SIPA1L1: variants seen among roughly 807,000 people sequenced by gnomAD.
The protein encoded by SIPA1L1 is signal-induced proliferation-associated 1-like protein 1.
SIPA1L1 carries 26 observed loss-of-function variants against 162.7 expected under a neutral mutation model. That is an observed-to-expected ratio of 0.16 (90% CI 0.12 to 0.22). The LOEUF (loss-of-function observed/expected upper bound fraction) is 0.22. Ranked by LOEUF, SIPA1L1 falls within the 10% of genes least tolerant of loss-of-function variation. SIPA1L1 has a pLI of 1.00. For synonymous variants in SIPA1L1, 829 were observed against 837.4 expected, an observed-to-expected ratio of 0.99 and a Z score of 0.17; for missense variants, 1,874 against 2,241.0, an observed-to-expected ratio of 0.84 and a Z score of 3.31.
chr14:71,655,436 G>A lies in SIPA1L1; in HGVS notation c.1994-2897G>A, dbSNP rs148024548. ...GAACAGTGCTGCAATAAACAAATTA[G>A]TGCAGGTGCCATTTGATAAAATTAT... On this transcript the variant is annotated intron_variant, in intron 8 of 23. Transcript: ENST00000381232. 2.1e-3 allele frequency among the ~76,000 whole-genome samples: 325 copies of A among 152,242 alleles called. 1 individual carries two copies. The highest frequency in any genetic ancestry group is 3.0e-3 in the Non-Finnish European group (203 of 68,008).
At position 71,691,042 on chromosome 14, in the gene SIPA1L1, T is replaced by G. The variant is rs2081217299; in HGVS notation, c.3374+5411T>G. ...CTGAGTATCCAGAGCAGAAGTAGGA[T>G]TCGTTATCAACTTCCCCTCAGCACT... On this transcript the variant is annotated intron_variant, in intron 13 of 23. Coordinates refer to ENST00000381232, the MANE Select transcript of SIPA1L1 (RefSeq NM_001386936.1). Among the ~76,000 whole-genome samples the G allele has an allele frequency of 2.0e-5, 3 of 152,220 alleles. No homozygotes were observed. The South Asian group carries it at 6.2e-4, about 31-fold the overall frequency.
At chr14:71,392,839 G>A (rs1434255360) in intron 2 of SIPA1L1, among the ~76,000 whole-genome samples, 1 of 152,134 alleles carries the variant, frequency 6.6e-6, no homozygotes, top group East Asian at 1.9e-4. Flanking sequence ...TTTTTATTTA[G>A]CTTACTCCCC....
intron 4 of SIPA1L1, among the ~76,000 whole-genome samples, chr14:71,580,046 A>G (rs1315773096): frequency 1.3e-5 from 2 of 152,206 alleles, no homozygotes; most frequent in African/African-American, 2.4e-5. Context: ...AGAGATGCAG[A>G]TTCTCTGCTG....
chr14:71,638,574 CT>C lies in SIPA1L1; in HGVS notation c.1819-11759del, dbSNP rs113056253. ...CAAAACTTCTATAGCTTGCATTATT[CT>C]TAATGGTAAGAGACTGGAGAAAGGG... On this transcript the variant is annotated intron_variant, in intron 7 of 23. Coordinates refer to ENST00000381232, the MANE Select transcript of SIPA1L1 (RefSeq NM_001386936.1). Among the ~76,000 whole-genome samples the C allele has an allele frequency of 4.6e-3, 700 of 152,298 alleles. 7 individuals carry two copies. The highest frequency in any genetic ancestry group is 0.016 in the African/African-American group (664 of 41,566).
chr14:71,643,416 T>A (rs2041897197), intron 7 of SIPA1L1, among the ~76,000 whole-genome samples: 1 of 152,230 alleles, frequency 6.6e-6, no homozygotes, highest in African/African-American at 2.4e-5. Flanking sequence ...CCAAAGAGCT[T>A]TTGTTCATAA....
chr14:71,608,042 A>G (rs777508162), intron 5 of SIPA1L1, among the ~76,000 whole-genome samples: 27 of 152,110 alleles, frequency 1.8e-4, no homozygotes, highest in Non-Finnish European at 3.1e-4. Context: ...ATTTTGCTTT[A>G]TTGCATCAAT....
chr14:71,615,355 A>ACC, intron 5 of SIPA1L1, among the ~76,000 whole-genome samples: 1 of 152,350 alleles, frequency 6.6e-6, no homozygotes, highest in Middle Eastern at 3.4e-3. Flanking sequence ...GGGTACAAGA[A>ACC]CCTAAGTGTT....
At chr14:71,580,594 T>A (rs1326357421) in intron 4 of SIPA1L1, among the ~76,000 whole-genome samples, 1 of 152,232 alleles carries the variant, frequency 6.6e-6, no homozygotes, top group Admixed American at 6.5e-5. Flanking sequence ...TCTTTAGTAC[T>A]CTCTACTTTA....
At chr14:71,505,118 A>G (rs1184964521) in intron 2 of SIPA1L1, among the ~76,000 whole-genome samples, 1 of 152,112 alleles carries the variant, frequency 6.6e-6, no homozygotes, top group Admixed American at 6.6e-5. Flanking sequence ...TTGTAGTTTA[A>G]AAAACTTTTC....
At chr14:71,713,800 G>C (rs1018295890) in intron 17 of SIPA1L1, among the ~76,000 whole-genome samples, 2 of 152,066 alleles carry the variant, frequency 1.3e-5, no homozygotes, top group Admixed American at 6.5e-5. Context: ...TGAGAAATAT[G>C]CCTTCCATCT....
intron 2 of SIPA1L1, among the ~76,000 whole-genome samples, chr14:71,367,903 G>T (rs2038492489): frequency 6.8e-6 from 1 of 147,652 alleles, no homozygotes; most frequent in South Asian, 2.1e-4. Context: ...CAGCGTGCCG[G>T]CCTTCCTTTT....
chr14:71,405,271 G>C (rs968736284), intron 2 of SIPA1L1, among the ~76,000 whole-genome samples: 1 of 152,230 alleles, frequency 6.6e-6, no homozygotes, highest in South Asian at 2.1e-4. Context: ...GACCAGTGCA[G>C]GCTGAGGACC....
chr14:71,544,130 T>C (rs887837821), intron 4 of SIPA1L1, among the ~76,000 whole-genome samples: 4 of 151,482 alleles, frequency 2.6e-5, no homozygotes, highest in African/African-American at 9.7e-5. Context: ...TATGCACGTG[T>C]ATGTATATAC....
intron 2 of SIPA1L1, among the ~76,000 whole-genome samples, chr14:71,340,645 TAAGA>T (rs1300217888): frequency 6.6e-6 from 1 of 152,202 alleles, no homozygotes; most frequent in Non-Finnish European, 1.5e-5. Context: ...GTGGTTTGCA[TAAGA>T]GTTAATACCA....
intron 14 of SIPA1L1, 123 bp from the exon 15 acceptor site, chr14:71,702,258 C>A: frequency 2.0e-6 from 2 of 1,004,306 alleles, no homozygotes; most frequent in Non-Finnish European, 3.0e-6. Flanking sequence ...TATACAAGTA[C>A]AGACACATAA....
At chr14:71,700,128 A>G (rs1264681697) in intron 14 of SIPA1L1, among the ~76,000 whole-genome samples, 3 of 151,710 alleles carry the variant, frequency 2.0e-5, no homozygotes, top group African/African-American at 7.3e-5. Flanking sequence ...AATGTTTTCC[A>G]AAGCAGAGTT....
chr14:71,353,822 A>T (rs1234898879), intron 2 of SIPA1L1, among the ~76,000 whole-genome samples: 1 of 152,068 alleles, frequency 6.6e-6, no homozygotes, highest in Non-Finnish European at 1.5e-5. Context: ...TGCCTGAGCA[A>T]CTGGAAAGAG....
intron 2 of SIPA1L1, among the ~76,000 whole-genome samples, chr14:71,439,692 C>T (rs547542158): frequency 1.4e-4 from 22 of 152,248 alleles, no homozygotes; most frequent in African/African-American, 4.8e-4. Context: ...AGTTTCAGTT[C>T]ACTGTTTCTG....
At chr14:71,638,319 G>A (rs1163472341) in intron 7 of SIPA1L1, among the ~76,000 whole-genome samples, 1 of 151,690 alleles carries the variant, frequency 6.6e-6, no homozygotes, top group Non-Finnish European at 1.5e-5. Flanking sequence ...ATATAATAAA[G>A]TAGAAAAAAA....
Sources: gnomAD v4.1 joint callset for allele counts (sites outside exome capture counted in the v4.1 genomes callset) on GRCh38, gnomAD v4.1.1 for gene constraint, MANE v1.5 for transcripts, NCBI Gene and HGNC (gene_info 2026-07-23, HGNC 2026-07-21) for gene names.